Variants in DBNL observed in about 807,000 individuals in gnomAD.
The protein encoded by DBNL is drebrin like, also known as drebrin-like protein.
DBNL carries 35 observed loss-of-function variants against 62.2 expected under a neutral mutation model. The observed-to-expected ratio is 0.56, with a 90% confidence interval of 0.43 to 0.75. DBNL has a LOEUF of 0.75. Among genes scored for constraint, DBNL ranks in the 30% least tolerant of loss-of-function variants. The probability of loss-of-function intolerance (pLI) is 0.00; values close to 1 mark genes in which losing one functional copy is unlikely to be tolerated. For synonymous variants in DBNL, 197 were observed against 218.0 expected, an observed-to-expected ratio of 0.90 and a Z score of 0.85; for missense variants, 495 against 578.4, an observed-to-expected ratio of 0.86 and a Z score of 1.48.
chr7:44,055,725 G>A (rs939638593), intron 4 of DBNL, among the ~76,000 whole-genome samples: 3 of 152,142 alleles, frequency 2.0e-5, no homozygotes, highest in South Asian at 4.1e-4. Context: ...AGAAATATCT[G>A]TTAAGGTCTT....
chr7:44,064,793 G>GGCCACCCCC lies in DBNL; in HGVS notation c.*3877_*3878insGCCACCCCC. ...AGATGAGAAGCCAGCTGGGGCTGCT[G>GGCCACCCCC]CCCACCCACCCTGCCCAGGCTCCTG... On this transcript the variant is annotated 3_prime_UTR_variant, in exon 13 of 13. Coordinates refer to ENST00000448521, the MANE Select transcript of DBNL (RefSeq NM_001014436.3). 1 of 1,136,980 alleles carries GGCCACCCCC rather than the reference G, an allele frequency of 8.8e-7. No homozygotes were observed. The highest frequency in any genetic ancestry group is 2.5e-5 in the East Asian group (1 of 40,040). 70.4% of individuals were successfully genotyped at this position (1,136,980 alleles called of 1,614,324 possible). A position where few individuals can be genotyped will look rare whatever the true frequency, so the allele number is the denominator to read the frequency against.
chr7:44,061,896 T>C lies in DBNL; in HGVS notation c.*980T>C, dbSNP rs2096149948. The C allele has an allele frequency of 6.6e-6, 1 of 152,244 alleles. No individual in the cohort carries two copies. The highest frequency in any genetic ancestry group is 6.5e-5 in the Admixed American group (1 of 15,286). 9.4% of individuals were successfully genotyped at this position (152,244 alleles called of 1,614,324 possible). ...GATCAGCCACCAGGAAGAGGCTAAA[T>C]GTTAAGATGGGACTGAAGTTGGAGC... On this transcript the variant is annotated 3_prime_UTR_variant, in exon 13 of 13. Coordinates refer to ENST00000448521, the MANE Select transcript of DBNL (RefSeq NM_001014436.3).
Position 44,064,927 on chromosome 7 carries a change from CA to C in DBNL, c.*4012del. 1 of 1,610,848 alleles carries C rather than the reference CA, an allele frequency of 6.2e-7. No individual in the cohort carries two copies. The highest frequency in any genetic ancestry group is 8.5e-7 in the Non-Finnish European group (1 of 1,179,740). On this transcript the variant is annotated 3_prime_UTR_variant, in exon 13 of 13. Transcript: ENST00000448521. ...GATCTGGGGAACAATCTCCTCGTTC[CA>C]GAAGGGCAGGGCCCGGGCAATGGTG...
Position 44,063,053 on chromosome 7 carries a change from G to T in DBNL, c.*2137G>T. The T allele has an allele frequency of 9.6e-7, 1 of 1,037,926 alleles. No individual in the cohort carries two copies. Among genetic ancestry groups the T allele is most frequent in the Non-Finnish European group, 1.5e-6 (1 of 670,932 alleles). The allele number at this position is 1,037,926 out of a possible 1,614,324, so 64.3% of individuals were successfully genotyped here. On this transcript the variant is annotated 3_prime_UTR_variant, in exon 13 of 13. Transcript: ENST00000448521. ...CTGGCACCAATTCCTTCCCAGCCCT[G>T]AGAACGAGGCCACAGAAATGTTGCC... is the stretch of plus-strand genomic sequence containing the variant.
chr7:44,055,080 G>A (rs74402186), intron 4 of DBNL, among the ~76,000 whole-genome samples: 3,922 of 152,272 alleles, frequency 0.026, 150 homozygotes, highest in African/African-American at 0.089. Flanking sequence ...TGTTAATAGC[G>A]CTGAACTTCA....
In DBNL at chr7:44,065,679, G is replaced by C; in HGVS notation, c.*4763G>C. ...GTGGCAGGTGACCAGTAGCTGAGCT[G>C]CTGGGGGCTGGGGGCCAGGGGAGTG... On this transcript the variant is annotated 3_prime_UTR_variant, in exon 13 of 13. Transcript: ENST00000448521. The C allele has an allele frequency of 1.4e-6, 1 of 721,254 alleles. No individual in the cohort carries two copies. Among genetic ancestry groups the C allele is most frequent in the Non-Finnish European group, 2.4e-6 (1 of 413,548 alleles). 44.7% of individuals were successfully genotyped at this position (721,254 alleles called of 1,614,324 possible). A position where few individuals can be genotyped will look rare whatever the true frequency, so the allele number is the denominator to read the frequency against.
chr7:44,045,873 T>A (rs2096116416), intron 1 of DBNL, among the ~76,000 whole-genome samples: 1 of 152,210 alleles, frequency 6.6e-6, no homozygotes, highest in African/African-American at 2.4e-5. Flanking sequence ...TTCTATGGGG[T>A]CTCTGTAGAC....
intron 4 of DBNL, among the ~76,000 whole-genome samples, chr7:44,053,311 C>T (rs2096129843): frequency 6.6e-6 from 1 of 152,224 alleles, no homozygotes; most frequent in South Asian, 2.1e-4. Flanking sequence ...TCTTAGCACG[C>T]ATGTGCCCTT....
At position 44,065,566 on chromosome 7, in the gene DBNL, A is replaced by T. The variant is rs2096158510; in HGVS notation, c.*4650A>T. 4 of 1,600,080 alleles carry T rather than the reference A, an allele frequency of 2.5e-6. No homozygotes were observed. The highest frequency in any genetic ancestry group is 3.4e-6 in the Non-Finnish European group (4 of 1,169,214). On this transcript the variant is annotated 3_prime_UTR_variant, in exon 13 of 13. Transcript: ENST00000448521. The stretch of plus-strand genomic sequence containing the variant: ...GGACCACAGAGGACTCTGGACGGGG[A>T]CGGCTGCTTCCCAACACTCCCAGCT...
At chr7:44,055,022 C>T (rs1466069761) in intron 4 of DBNL, among the ~76,000 whole-genome samples, 1 of 152,110 alleles carries the variant, frequency 6.6e-6, no homozygotes, top group Non-Finnish European at 1.5e-5. Flanking sequence ...TTTTCTTTAC[C>T]CTTTCATCCA....
chr7:44,047,592 CAGG>C (rs1487986682), intron 1 of DBNL, among the ~76,000 whole-genome samples: 1 of 152,174 alleles, frequency 6.6e-6, no homozygotes, highest in East Asian at 1.9e-4. Context: ...GTTCCATGGG[CAGG>C]ACCTTTTAGG....
At chr7:44,049,658 G>A (rs533557208) in intron 1 of DBNL, among the ~76,000 whole-genome samples, 5 of 152,256 alleles carry the variant, frequency 3.3e-5, no homozygotes, top group Admixed American at 1.3e-4. Flanking sequence ...CACAACCTGT[G>A]GTAGTCTGTG....
At position 44,052,915 on chromosome 7, in the gene DBNL, G is replaced by A. The variant is rs142733561; in HGVS notation, c.301G>A (p.Val101Ile). The change falls in exon 4 of 13, where the codon GTC (valine) becomes ATC (isoleucine). Residue 101 changes from valine to isoleucine, a missense_variant. Val to Ile is a conservative substitution (Grantham distance 29, BLOSUM62 3). Transcript: ENST00000448521. Reference protein sequence around the residue: ...DVRKGACASHVSTMASFLKGA... With the variant: ...DVRKGACASHISTMASFLKGA... Reference sequence around the variant, plus strand: ...GCGGAAGGGAGCCTGTGCCAGCCACGTCAGCACCATGGCCAGCTTCCTGAA... The same window carrying A: ...GCGGAAGGGAGCCTGTGCCAGCCACATCAGCACCATGGCCAGCTTCCTGAA... The A allele has an allele frequency of 5.0e-6, 8 of 1,613,582 alleles. No individual in the cohort carries two copies. Among genetic ancestry groups the A allele is most frequent in the South Asian group, 2.2e-5 (2 of 91,078 alleles).
rs2096159293 is a variant in DBNL at position 44,065,990 on chromosome 7, G to A, written c.*5074G>A. On this transcript the variant is annotated 3_prime_UTR_variant, in exon 13 of 13. Coordinates refer to ENST00000448521, the MANE Select transcript of DBNL (RefSeq NM_001014436.3). ...TCTCCTGTGATTGGCAGCCAGGCTA[G>A]GAGGCGGCCCTCAGCAGGCAGAGGA... is the stretch of plus-strand genomic sequence containing the variant. 1 of 284,698 alleles carries A rather than the reference G, an allele frequency of 3.5e-6. No individual in the cohort carries two copies. The highest frequency in any genetic ancestry group is 2.2e-5 in the African/African-American group (1 of 46,092). 17.6% of individuals were successfully genotyped at this position (284,698 alleles called of 1,614,324 possible). A position where few individuals can be genotyped will look rare whatever the true frequency, so the allele number is the denominator to read the frequency against.
At position 44,064,914 on chromosome 7, in the gene DBNL, A is replaced by G. The variant is rs1562660984; in HGVS notation, c.*3998A>G. The stretch of plus-strand genomic sequence containing the variant: ...GCTTGCCGGCCTTGATCTGGGGAAC[A>G]ATCTCCTCGTTCCAGAAGGGCAGGG... On this transcript the variant is annotated 3_prime_UTR_variant, in exon 13 of 13. Transcript: ENST00000448521. 1.2e-6 allele frequency: 2 copies of G among 1,611,300 alleles called. No homozygotes were observed. Among genetic ancestry groups the G allele is most frequent in the Non-Finnish European group, 1.7e-6 (2 of 1,179,698 alleles).
Position 44,062,658 on chromosome 7 carries a change from C to G in DBNL, c.*1742C>G, listed in dbSNP as rs899230047. The stretch of plus-strand genomic sequence containing the variant: ...TGGGGGAGGGTGGGTGGCTGCACCC[C>G]TGGTTCTGGAGTCCCCACAGCTGAT... On this transcript the variant is annotated 3_prime_UTR_variant, in exon 13 of 13. Coordinates refer to ENST00000448521, the MANE Select transcript of DBNL (RefSeq NM_001014436.3). The G allele has an allele frequency of 7.9e-7, 1 of 1,273,052 alleles. No homozygotes were observed. Among genetic ancestry groups the G allele is most frequent in the East Asian group, 2.5e-5 (1 of 40,148 alleles). The allele number at this position is 1,273,052 out of a possible 1,614,324, so 78.9% of individuals were successfully genotyped here. A position where few individuals can be genotyped will look rare whatever the true frequency, so the allele number is the denominator to read the frequency against.
At position 44,064,501 on chromosome 7, in the gene DBNL, A is replaced by ATTACT. The variant is rs549054819; in HGVS notation, c.*3585_*3586insTTACT. Reference sequence around the variant, plus strand: ...GTGGCTTGTCCAGGGCCCCACAGTAAGTTGGGATTTGGAGCCAGATGCTCT... The same window carrying ATTACT: ...GTGGCTTGTCCAGGGCCCCACAGTAATTACTGTTGGGATTTGGAGCCAGATGCTCT... On this transcript the variant is annotated 3_prime_UTR_variant, in exon 13 of 13. Transcript: ENST00000448521. 2.9e-3 allele frequency: 1,137 copies of ATTACT among 387,060 alleles called. 5 individuals are homozygous for ATTACT. Among genetic ancestry groups the ATTACT allele is most frequent in the Non-Finnish European group, 4.6e-3 (940 of 204,486 alleles). The allele number at this position is 387,060 out of a possible 1,614,324, so 24.0% of individuals were successfully genotyped here.
Position 44,062,759 on chromosome 7 carries a change from AC to A in DBNL, c.*1847del. On this transcript the variant is annotated 3_prime_UTR_variant, in exon 13 of 13. Coordinates refer to ENST00000448521, the MANE Select transcript of DBNL (RefSeq NM_001014436.3). Reference sequence around the variant, plus strand: ...GGAGGTGCCTTTATTGCCCAAGCCCACCCCTCACTTGGCCTTGCCCTGGGCA... The same window carrying A: ...GGAGGTGCCTTTATTGCCCAAGCCCACCCTCACTTGGCCTTGCCCTGGGCA... 6.2e-7 allele frequency: 1 copy of A among 1,613,660 alleles called. No individual in the cohort carries two copies. Among genetic ancestry groups the A allele is most frequent in the Non-Finnish European group, 8.5e-7 (1 of 1,179,910 alleles).
At chr7:44,045,509 C>G (rs1585973198) in intron 1 of DBNL, among the ~76,000 whole-genome samples, 1 of 152,288 alleles carries the variant, frequency 6.6e-6, no homozygotes, top group South Asian at 2.1e-4. Flanking sequence ...CCTCACTTTC[C>G]TCTTTGCTTA....
Sources: allele counts gnomAD v4.1 joint callset (sites outside exome capture counted in the v4.1 genomes callset), GRCh38; gene constraint gnomAD v4.1.1; transcripts MANE v1.5; gene names NCBI Gene and HGNC (gene_info 2026-07-23, HGNC 2026-07-21).